Variants in PTPRK observed in about 807,000 individuals in gnomAD.
The protein encoded by PTPRK is receptor-type tyrosine-protein phosphatase kappa.
Under a neutral mutation model 178.0 loss-of-function variants are expected in PTPRK, and 75 were observed. The ratio of observed to expected loss-of-function variants is 0.42; its 90% CI spans 0.35 to 0.51. The LOEUF (loss-of-function observed/expected upper bound fraction) is 0.51. Ranked by LOEUF, PTPRK falls within the 20% of genes least tolerant of loss-of-function variation. The probability of loss-of-function intolerance (pLI) is 0.02; values close to 1 mark genes in which losing one functional copy is unlikely to be tolerated. For missense variants in PTPRK, 1,441 were observed against 1,797.8 expected (o/e 0.80, Z 3.59); for synonymous variants, 637 against 620.6 (o/e 1.03, Z -0.39).
intron 2 of PTPRK, among the ~76,000 whole-genome samples, chr6:128,363,359 T>C (rs568486958): frequency 2.6e-5 from 4 of 152,244 alleles, no homozygotes; most frequent in South Asian, 4.1e-4. Flanking sequence ...CAGCATGAGT[T>C]TGTGGGTGAC....
chr6:128,118,322 A>G (rs1180045904), intron 7 of PTPRK, among the ~76,000 whole-genome samples: 2 of 152,188 alleles, frequency 1.3e-5, no homozygotes, highest in African/African-American at 4.8e-5. Context: ...TAGCCATCCA[A>G]TCCCAATTTT....
intron 7 of PTPRK, among the ~76,000 whole-genome samples, chr6:128,141,291 A>C: frequency 6.6e-6 from 1 of 151,960 alleles, no homozygotes; most frequent in East Asian, 1.9e-4. Flanking sequence ...TTGACCAAGA[A>C]ACATAAAATT....
chr6:128,206,636 A>AT (rs1381947962), intron 6 of PTPRK, among the ~76,000 whole-genome samples: 1 of 152,156 alleles, frequency 6.6e-6, no homozygotes, highest in African/African-American at 2.4e-5. Context: ...ATTATGATAC[A>AT]TTTTTTGTGT....
At position 128,212,232 on chromosome 6, in the gene PTPRK, C is replaced by A. The variant is rs149022030; in HGVS notation, c.868+6690G>T. On this transcript the variant is annotated intron_variant, in intron 6 of 29. Coordinates refer to ENST00000368226, the MANE Select transcript of PTPRK (RefSeq NM_002844.4). ...TTCTTAAGTACTGAGACTATGTATG[C>A]GATTTTTTTGGCATTTGTCTTTATT... Among the ~76,000 whole-genome samples the A allele has an allele frequency of 4.0e-5, 6 of 151,874 alleles. 1 individual carries two copies. The highest frequency in any genetic ancestry group is 2.6e-4 in the Admixed American group (4 of 15,220).
intron 1 of PTPRK, among the ~76,000 whole-genome samples, chr6:128,415,444 C>T (rs1184163284): frequency 1.4e-5 from 2 of 146,096 alleles, no homozygotes; most frequent in East Asian, 4.0e-4. Flanking sequence ...TTAATAAACA[C>T]AAAAGAACTG....
intron 1 of PTPRK, among the ~76,000 whole-genome samples, chr6:128,415,085 G>A (rs929698437): frequency 3.9e-5 from 6 of 152,170 alleles, no homozygotes; most frequent in East Asian, 1.9e-4. Flanking sequence ...TAATGACATC[G>A]CGGAATGAAG....
At chr6:128,197,943 C>T (rs758874198) in intron 6 of PTPRK, among the ~76,000 whole-genome samples, 3 of 152,130 alleles carry the variant, frequency 2.0e-5, no homozygotes, top group African/African-American at 4.8e-5. Flanking sequence ...AACACTTGTT[C>T]TAGGTGCCAC....
chr6:128,451,258 A>G (rs1847754387), intron 1 of PTPRK, among the ~76,000 whole-genome samples: 2 of 152,222 alleles, frequency 1.3e-5, no homozygotes, highest in African/African-American at 2.4e-5. Flanking sequence ...TGACCAATAC[A>G]TGATGTTTCC....
At chr6:128,386,645 A>G (rs1161032378) in intron 2 of PTPRK, among the ~76,000 whole-genome samples, 1 of 152,242 alleles carries the variant, frequency 6.6e-6, no homozygotes, top group Non-Finnish European at 1.5e-5. Context: ...ACACAATTCT[A>G]GATTTCTAAT....
At chr6:128,465,305 G>A (rs1320992915) in intron 1 of PTPRK, among the ~76,000 whole-genome samples, 2 of 151,626 alleles carry the variant, frequency 1.3e-5, no homozygotes, top group African/African-American at 4.8e-5. Flanking sequence ...AAAAATAATT[G>A]TAAAACTTTG....
At chr6:128,197,495 A>T (rs983834856) in intron 6 of PTPRK, among the ~76,000 whole-genome samples, 5 of 152,152 alleles carry the variant, frequency 3.3e-5, no homozygotes, top group African/African-American at 1.2e-4. Context: ...TTGTACCTGG[A>T]TATTTTGAAA....
intron 2 of PTPRK, among the ~76,000 whole-genome samples, chr6:128,368,920 A>C (rs944990094): frequency 4.6e-5 from 7 of 151,466 alleles, no homozygotes; most frequent in Admixed American, 4.6e-4. Context: ...CTCTATTTAA[A>C]AAAACAAAAC....
At chr6:128,074,879 T>C (rs1783501177) in intron 11 of PTPRK, among the ~76,000 whole-genome samples, 1 of 152,040 alleles carries the variant, frequency 6.6e-6, no homozygotes. Context: ...GATTAAAACT[T>C]GGTGAAAATA....
At chr6:128,493,657 T>C (rs185603175) in intron 1 of PTPRK, among the ~76,000 whole-genome samples, 11 of 146,322 alleles carry the variant, frequency 7.5e-5, no homozygotes, top group Admixed American at 1.4e-4. Flanking sequence ...GAAACAACTA[T>C]ACTTATACTG....
intron 13 of PTPRK, among the ~76,000 whole-genome samples, chr6:128,021,121 G>T (rs1773433866): frequency 6.6e-6 from 1 of 151,800 alleles, no homozygotes; most frequent in African/African-American, 2.4e-5. Context: ...AATATTTTTT[G>T]GCCTTGAGTG....
intron 6 of PTPRK, among the ~76,000 whole-genome samples, chr6:128,211,622 T>A (rs1409951397): frequency 1.3e-5 from 2 of 152,126 alleles, no homozygotes; most frequent in Non-Finnish European, 2.9e-5. Context: ...ATGTTTGTAT[T>A]CTTAGTAACA....
intron 2 of PTPRK, among the ~76,000 whole-genome samples, chr6:128,325,161 T>C (rs139786571): frequency 2.0e-5 from 3 of 152,300 alleles, no homozygotes; most frequent in Admixed American, 6.5e-5. Context: ...TCTTGATCAA[T>C]AGAGTTCTCA....
chr6:128,505,322 T>A (rs564942334), intron 1 of PTPRK, among the ~76,000 whole-genome samples: 1 of 150,774 alleles, frequency 6.6e-6, no homozygotes, highest in East Asian at 2.0e-4. Flanking sequence ...ATGCCTGCTA[T>A]CCCAGCTACT....
intron 2 of PTPRK, among the ~76,000 whole-genome samples, chr6:128,367,704 A>G (rs896234376): frequency 2.6e-5 from 4 of 152,164 alleles, no homozygotes; most frequent in African/African-American, 7.2e-5. Context: ...ATGGTGATAG[A>G]GAGCATTTCT....
Sources: allele counts gnomAD v4.1 joint callset (sites outside exome capture counted in the v4.1 genomes callset), GRCh38; gene constraint gnomAD v4.1.1; transcripts MANE v1.5; gene names NCBI Gene and HGNC (gene_info 2026-07-23, HGNC 2026-07-21).